The following MARCHF4 variants were observed in gnomAD, a reference collection of about 807,000 sequenced individuals.
MARCHF4 encodes E3 ubiquitin-protein ligase MARCHF4.
MARCHF4 carries 14 observed loss-of-function variants against 43.9 expected under a neutral mutation model. The observed-to-expected ratio is 0.32, with a 90% CI of 0.21 to 0.50. MARCHF4 has a LOEUF of 0.50. Ranked by LOEUF, MARCHF4 falls within the 20% of genes least tolerant of loss-of-function variation. The probability of loss-of-function intolerance (pLI) is 0.98; values close to 1 mark genes in which losing one functional copy is unlikely to be tolerated. For missense variants in MARCHF4, 468 were observed against 536.7 expected (o/e 0.87, Z 1.27); for synonymous variants, 226 against 213.3 (o/e 1.06, Z -0.52).
intron 1 of MARCHF4, among the ~76,000 whole-genome samples, chr2:216,347,445 A>T (rs565661530): frequency 9.8e-5 from 15 of 152,368 alleles, no homozygotes; most frequent in African/African-American, 3.6e-4. Flanking sequence ...AGATGGTGGC[A>T]GTATAAACAT....
intron 1 of MARCHF4, among the ~76,000 whole-genome samples, chr2:216,342,281 T>G (rs1692249659): frequency 6.6e-6 from 1 of 152,152 alleles, no homozygotes; most frequent in Non-Finnish European, 1.5e-5. Flanking sequence ...CAGGTTCTTG[T>G]TATTCTCTCC....
At chr2:216,338,339 T>A (rs1049409078) in intron 1 of MARCHF4, among the ~76,000 whole-genome samples, 1 of 152,176 alleles carries the variant, frequency 6.6e-6, no homozygotes, top group Non-Finnish European at 1.5e-5. Flanking sequence ...CATTGCCAAC[T>A]GGTTCAGCCA....
intron 1 of MARCHF4, among the ~76,000 whole-genome samples, chr2:216,340,518 TCACCTAATTC>T (rs1692220894): frequency 6.6e-6 from 1 of 152,130 alleles, no homozygotes; most frequent in Non-Finnish European, 1.5e-5. Context: ...GCCAGCAATT[TCACCTAATTC>T]CACCAGCACC....
intron 1 of MARCHF4, among the ~76,000 whole-genome samples, chr2:216,358,301 G>C (rs1220109822): frequency 7.2e-5 from 11 of 152,136 alleles, no homozygotes; most frequent in Non-Finnish European, 1.3e-4. Context: ...TATCAACCTT[G>C]CTAATTTTCT....
intron 1 of MARCHF4, among the ~76,000 whole-genome samples, chr2:216,329,809 G>A (rs1278935492): frequency 6.6e-6 from 1 of 151,390 alleles, no homozygotes; most frequent in Non-Finnish European, 1.5e-5. Context: ...GAAAAGGGCT[G>A]GGTTGAGTGG....
chr2:216,272,564 G>A (rs1308468347), intron 3 of MARCHF4, among the ~76,000 whole-genome samples: 1 of 152,172 alleles, frequency 6.6e-6, no homozygotes, highest in Non-Finnish European at 1.5e-5. Context: ...GAAGTTCTTG[G>A]TCCAATCCTC....
At chr2:216,357,629 A>G (rs1190400146) in intron 1 of MARCHF4, among the ~76,000 whole-genome samples, 3 of 152,220 alleles carry the variant, frequency 2.0e-5, no homozygotes, top group South Asian at 2.1e-4. Flanking sequence ...CCTTCATTCT[A>G]TATCTTTCGT....
At chr2:216,286,559 A>C (rs6718568) in intron 1 of MARCHF4, among the ~76,000 whole-genome samples, 61,235 of 151,358 alleles carry the variant, frequency 0.4, 13,673 homozygotes, top group South Asian at 0.54. Context: ...TAAAGCAAGG[A>C]CAACAAACTG....
At chr2:216,273,060 A>G (rs113518779) in intron 3 of MARCHF4, among the ~76,000 whole-genome samples, 28 of 152,358 alleles carry the variant, frequency 1.8e-4, no homozygotes, top group African/African-American at 6.7e-4. Context: ...CTCCATGGGC[A>G]GCAAGCAGGC....
At chr2:216,356,659 C>T (rs888952725) in intron 1 of MARCHF4, among the ~76,000 whole-genome samples, 2 of 152,152 alleles carry the variant, frequency 1.3e-5, no homozygotes, top group African/African-American at 4.8e-5. Context: ...GTCTGAAAAG[C>T]CTCTTCCCTT....
chr2:216,334,967 A>G (rs1692136823), intron 1 of MARCHF4, among the ~76,000 whole-genome samples: 1 of 152,236 alleles, frequency 6.6e-6, no homozygotes, highest in Non-Finnish European at 1.5e-5. Context: ...GGGAACCTTC[A>G]GAACTACTCC....
At chr2:216,352,101 G>A (rs527424558) in intron 1 of MARCHF4, among the ~76,000 whole-genome samples, 7 of 152,316 alleles carry the variant, frequency 4.6e-5, no homozygotes, top group Admixed American at 3.3e-4. Context: ...CATGAGTCTT[G>A]AAAGAGATCC....
intron 1 of MARCHF4, among the ~76,000 whole-genome samples, chr2:216,285,850 ATTG>A (rs1691210376): frequency 6.6e-6 from 1 of 152,190 alleles, no homozygotes; most frequent in South Asian, 2.1e-4. Flanking sequence ...GATTAATCGG[ATTG>A]TTAAGCAGCC....
intron 1 of MARCHF4, among the ~76,000 whole-genome samples, chr2:216,305,837 C>T (rs1413631362): frequency 1.3e-5 from 2 of 152,194 alleles, no homozygotes; most frequent in African/African-American, 2.4e-5. Flanking sequence ...CTCAGCCCGT[C>T]GGAGGAATGA....
At position 216,258,181 on chromosome 2, in the gene MARCHF4, GGGGAGGGTTCCAAACA is replaced by G. The variant is rs1362179910; in HGVS notation, c.*1115_*1130del. ...TGAGCATCAGCCTGACTGCCTCTTT[GGGGAGGGTTCCAAACA>G]GGGAGGGTTCCAAGCAGCAAGGAAT... On this transcript the variant is annotated 3_prime_UTR_variant, in exon 4 of 4. Transcript: ENST00000273067. The G allele has an allele frequency of 2.0e-5, 3 of 152,320 alleles. No homozygotes were observed. Among genetic ancestry groups the G allele is most frequent in the Non-Finnish European group, 2.9e-5 (2 of 68,150 alleles). 9.4% of individuals were successfully genotyped at this position (152,320 alleles called of 1,614,324 possible). A position where few individuals can be genotyped will look rare whatever the true frequency, so the allele number is the denominator to read the frequency against.
At chr2:216,265,865 G>A (rs1421437543) in intron 3 of MARCHF4, 1 of 152,216 alleles carries the variant, frequency 6.6e-6, no homozygotes, top group Non-Finnish European at 1.5e-5. Context: ...CTGCAATCTT[G>A]GAGGCCTACT....
At chr2:216,345,415 T>C (rs1307036633) in intron 1 of MARCHF4, among the ~76,000 whole-genome samples, 1 of 152,116 alleles carries the variant, frequency 6.6e-6, no homozygotes, top group East Asian at 1.9e-4. Flanking sequence ...GATTTCTGAT[T>C]CTACTTCCAA....
At chr2:216,350,922 T>A (rs2105979264) in intron 1 of MARCHF4, among the ~76,000 whole-genome samples, 1 of 152,302 alleles carries the variant, frequency 6.6e-6, no homozygotes, top group South Asian at 2.1e-4. Flanking sequence ...AATTTAATTA[T>A]GCTTAATTAA....
chr2:216,292,577 A>G (rs981279545), intron 1 of MARCHF4, among the ~76,000 whole-genome samples: 2 of 152,220 alleles, frequency 1.3e-5, no homozygotes, highest in African/African-American at 4.8e-5. Context: ...TGAGACAGAA[A>G]GTACTGTTTT....
Sources: gnomAD v4.1 joint callset for allele counts (sites outside exome capture counted in the v4.1 genomes callset) on GRCh38, gnomAD v4.1.1 for gene constraint, MANE v1.5 for transcripts, NCBI Gene and HGNC (gene_info 2026-07-23, HGNC 2026-07-21) for gene names.